The following HPSE2 variants were observed in gnomAD, a reference collection of about 807,000 sequenced individuals.
HPSE2 encodes heparanase 2 (inactive).
A neutral mutation model predicts 60.5 loss-of-function variants in HPSE2; 38 were observed. The ratio of observed to expected loss-of-function variants is 0.63; its 90% CI spans 0.48 to 0.82. The LOEUF (loss-of-function observed/expected upper bound fraction) is 0.82. Among genes scored for constraint, HPSE2 ranks in the 40% least tolerant of loss-of-function variants. The probability of loss-of-function intolerance (pLI) is 0.00; values close to 1 mark genes in which losing one functional copy is unlikely to be tolerated. For synonymous variants in HPSE2, 295 were observed against 293.2 expected (o/e 1.01, Z -0.06); for missense variants, 713 against 740.4 (o/e 0.96, Z 0.43).
intron 9 of HPSE2, among the ~76,000 whole-genome samples, chr10:98,494,357 G>A (rs1941761067): frequency 6.6e-6 from 1 of 152,164 alleles, no homozygotes; most frequent in Admixed American, 6.5e-5. Context: ...GTTTAAAAGA[G>A]GCAAAGGTAG....
the HPSE2 span, among the ~76,000 whole-genome samples, chr10:99,308,822 T>C: frequency 6.6e-6 from 1 of 152,200 alleles, no homozygotes; most frequent in Non-Finnish European, 1.5e-5. Context: ...TCTTGAACAA[T>C]TGTTGGCCAA....
chr10:98,819,361 A>G (rs1383025980), intron 3 of HPSE2, among the ~76,000 whole-genome samples: 1 of 151,826 alleles, frequency 6.6e-6, no homozygotes, highest in Admixed American at 6.6e-5. Context: ...AGTTTCTAAT[A>G]TACCTTTAAC....
intron 4 of HPSE2, among the ~76,000 whole-genome samples, chr10:98,737,633 G>A (rs1335434112): frequency 3.3e-5 from 5 of 152,060 alleles, no homozygotes; most frequent in African/African-American, 4.8e-5. Flanking sequence ...AAAGTCTCAG[G>A]ATACAAAATC....
intron 3 of HPSE2, among the ~76,000 whole-genome samples, chr10:99,028,598 TAC>T (rs1957429690): frequency 6.6e-6 from 1 of 152,090 alleles, no homozygotes; most frequent in Non-Finnish European, 1.5e-5. Flanking sequence ...CCTATCACAA[TAC>T]CAATGACATT....
intron 3 of HPSE2, among the ~76,000 whole-genome samples, chr10:98,799,483 T>C (rs1097706): frequency 0.064 from 9,760 of 152,202 alleles, 1,007 homozygotes; most frequent in African/African-American, 0.22. Context: ...CTGCAGAATA[T>C]ACATAGTTCT....
intron 3 of HPSE2, among the ~76,000 whole-genome samples, chr10:98,812,003 T>C (rs1327924093): frequency 6.6e-6 from 1 of 152,184 alleles, no homozygotes; most frequent in Non-Finnish European, 1.5e-5. Context: ...ATTCTTTTTA[T>C]TGATCTTGTA....
At chr10:98,753,358 G>T (rs528267982) in intron 3 of HPSE2, among the ~76,000 whole-genome samples, 2 of 152,126 alleles carry the variant, frequency 1.3e-5, no homozygotes, top group African/African-American at 2.4e-5. Context: ...CAAAAAGCTA[G>T]ATCTAAAATT....
At chr10:98,989,322 A>C (rs1956461015) in intron 3 of HPSE2, among the ~76,000 whole-genome samples, 1 of 152,216 alleles carries the variant, frequency 6.6e-6, no homozygotes, top group East Asian at 1.9e-4. Flanking sequence ...AGCCATAAAA[A>C]ATGATGAGTT....
chr10:99,190,562 A>G (rs953777137), intron 2 of HPSE2, among the ~76,000 whole-genome samples: 1 of 152,196 alleles, frequency 6.6e-6, no homozygotes, highest in Non-Finnish European at 1.5e-5. Context: ...CTTAACTGCT[A>G]TACCACTTTG....
intron 6 of HPSE2, among the ~76,000 whole-genome samples, chr10:98,659,413 G>C (rs1418654381): frequency 6.6e-6 from 1 of 152,070 alleles, no homozygotes; most frequent in African/African-American, 2.4e-5. Flanking sequence ...ACTATAAATG[G>C]AATCCTACAG....
At chr10:99,140,221 T>C (rs1379928539) in intron 3 of HPSE2, among the ~76,000 whole-genome samples, 2 of 152,208 alleles carry the variant, frequency 1.3e-5, no homozygotes, top group Non-Finnish European at 2.9e-5. Context: ...TTAATTTATT[T>C]GCCACAGTAA....
chr10:99,242,486 AG>A, the HPSE2 span, among the ~76,000 whole-genome samples: 1 of 152,194 alleles, frequency 6.6e-6, no homozygotes, highest in African/African-American at 2.4e-5. Flanking sequence ...GAAACCCCTT[AG>A]CATGTTTGGA....
At chr10:98,778,264 C>CAGAGAGAGAGAGAGAG (rs143885408) in intron 3 of HPSE2, among the ~76,000 whole-genome samples, 16,929 of 112,314 alleles carry the variant, frequency 0.15, 2,492 homozygotes, top group East Asian at 0.21. Context: ...GAGAGAGAGA[C>CAGAGAGAGAGAGAGAG]AGAGAGAGAG....
intron 3 of HPSE2, among the ~76,000 whole-genome samples, chr10:98,935,960 C>A (rs1453291357): frequency 2.1e-5 from 3 of 144,858 alleles, no homozygotes; most frequent in African/African-American, 8.3e-5. Flanking sequence ...TGTCTGTAAG[C>A]CCCTGACTGG....
chr10:98,569,496 T>C (rs990733574), intron 9 of HPSE2, among the ~76,000 whole-genome samples: 3 of 152,324 alleles, frequency 2.0e-5, no homozygotes, highest in East Asian at 1.9e-4. Flanking sequence ...AGTTATACCA[T>C]ATAGCATTTT....
intron 4 of HPSE2, among the ~76,000 whole-genome samples, chr10:98,726,342 G>A (rs1949078467): frequency 6.6e-6 from 1 of 152,004 alleles, no homozygotes; most frequent in Non-Finnish European, 1.5e-5. Flanking sequence ...GTAGGGACAT[G>A]GATGAAGCTG....
At chr10:98,960,718 T>TTA (rs1955642661) in intron 3 of HPSE2, among the ~76,000 whole-genome samples, 1 of 44,784 alleles carries the variant, frequency 2.2e-5, no homozygotes, top group Non-Finnish European at 4.6e-5. Flanking sequence ...TTTTTTTTTT[T>TTA]TTGTTTTATT....
At chr10:99,089,863 A>C (rs1175111043) in intron 3 of HPSE2, among the ~76,000 whole-genome samples, 1 of 152,070 alleles carries the variant, frequency 6.6e-6, no homozygotes, top group African/African-American at 2.4e-5. Context: ...GCAGTCTTTC[A>C]TAGTTTTCCT....
chr10:98,891,071 C>G (rs1336576995), intron 3 of HPSE2, among the ~76,000 whole-genome samples: 1 of 152,022 alleles, frequency 6.6e-6, no homozygotes, highest in East Asian at 1.9e-4. Context: ...TTTATAAAAC[C>G]TGCTCCCTTC....
Sources: gnomAD v4.1 joint callset for allele counts (sites outside exome capture counted in the v4.1 genomes callset) on GRCh38, gnomAD v4.1.1 for gene constraint, MANE v1.5 for transcripts, NCBI Gene and HGNC (gene_info 2026-07-23, HGNC 2026-07-21) for gene names.